The following SLC9B1 variants were observed in gnomAD, a reference collection of about 807,000 sequenced individuals.
SLC9B1 encodes solute carrier family 9 member B1, also known as sodium/hydrogen exchanger 9B1.
SLC9B1 carries 32 observed loss-of-function variants against 51.7 expected under a neutral mutation model. The observed-to-expected ratio is 0.62, with a 90% CI of 0.47 to 0.83. SLC9B1 has a LOEUF of 0.83. SLC9B1 is among the 40% of genes least tolerant of loss of function. The pLI is 0.00. For missense variants in SLC9B1, 406 were observed against 613.2 expected, an observed-to-expected ratio of 0.66 and a Z score of 3.57; for synonymous variants, 145 against 212.7, an observed-to-expected ratio of 0.68 and a Z score of 2.77.
At chr4:102,978,257 C>T (rs938939126) in intron 3 of SLC9B1, among the ~76,000 whole-genome samples, 6 of 152,006 alleles carry the variant, frequency 3.9e-5, no homozygotes, top group Non-Finnish European at 7.4e-5. Flanking sequence ...TGAATAGCGC[C>T]GCAATAAACA....
At chr4:102,975,244 A>T (rs1196273739) in intron 3 of SLC9B1, among the ~76,000 whole-genome samples, 1 of 152,108 alleles carries the variant, frequency 6.6e-6, no homozygotes, top group Non-Finnish European at 1.5e-5. Context: ...CTTGGCTTCA[A>T]ATGATTCTTC....
chr4:102,921,760 C>T lies in SLC9B1; in HGVS notation c.830-10223G>A, dbSNP rs189796459. 1.9e-3 allele frequency among the ~76,000 whole-genome samples: 294 copies of T among 152,238 alleles called. 1 individual carries two copies. Among genetic ancestry groups the T allele is most frequent in the Non-Finnish European group, 2.4e-3 (165 of 68,010 alleles). On this transcript the variant is annotated intron_variant, in intron 7 of 11. Coordinates refer to ENST00000296422, the MANE Select transcript of SLC9B1 (RefSeq NM_139173.4). ...AGCAAAAAATAGCAGGGGTTGCAAT[C>T]CTAGTCTCTGATAAAACAGACTTTA... is the stretch of plus-strand genomic sequence containing the variant.
intron 3 of SLC9B1, among the ~76,000 whole-genome samples, chr4:102,960,893 C>G (rs1051794464): frequency 6.6e-6 from 1 of 151,822 alleles, no homozygotes; most frequent in African/African-American, 2.4e-5. Context: ...GCACCATACC[C>G]GGCTAATTTG....
intron 3 of SLC9B1, among the ~76,000 whole-genome samples, chr4:102,979,327 T>A (rs1490215021): frequency 6.6e-6 from 1 of 152,212 alleles, no homozygotes; most frequent in African/African-American, 2.4e-5. Context: ...TTCCTCTGTC[T>A]GTTTTGCATT....
At chr4:102,996,796 T>G (rs1740246849) in intron 1 of SLC9B1, among the ~76,000 whole-genome samples, 1 of 152,098 alleles carries the variant, frequency 6.6e-6, no homozygotes, top group South Asian at 2.1e-4. Flanking sequence ...TGCTTGTATT[T>G]TTTTTTCTGA....
At position 102,885,412 on chromosome 4, in the gene SLC9B1, G is replaced by A. The variant is rs750923436; in HGVS notation, c.1333-84C>T. The stretch of plus-strand genomic sequence containing the variant: ...GTCTTACTAAAGCAGCTTATTGTAG[G>A]TGTTGGCGTTCTAAAACGGTAAGAT... On this transcript the variant is annotated intron_variant, in intron 11 of 11. Coordinates refer to the SLC9B1 transcript ENST00000394789. 1.5e-5 allele frequency: 24 copies of A among 1,613,972 alleles called. No homozygotes were observed. In the South Asian group the frequency reaches 2.2e-4, roughly 15 times the overall value.
intron 7 of SLC9B1, among the ~76,000 whole-genome samples, chr4:102,915,559 T>A (rs1322408877): frequency 6.6e-6 from 1 of 152,094 alleles, no homozygotes; most frequent in Admixed American, 6.6e-5. Flanking sequence ...CACACTCAGA[T>A]AATATTTTTA....
At chr4:102,985,169 G>C (rs969277879) in intron 3 of SLC9B1, among the ~76,000 whole-genome samples, 5 of 152,086 alleles carry the variant, frequency 3.3e-5, no homozygotes, top group Non-Finnish European at 7.4e-5. Context: ...TGTTAGAATG[G>C]AATATCATTC....
At chr4:103,019,472 A>G in intron 1 of SLC9B1, 127 bp downstream of exon 1, 1 of 562,834 alleles carries the variant, frequency 1.8e-6, no homozygotes, top group Non-Finnish European at 2.3e-6. Context: ...AGAAGAGCCC[A>G]AGAATCCCAT....
At chr4:102,921,290 A>G (rs1328948129) in intron 7 of SLC9B1, among the ~76,000 whole-genome samples, 1 of 152,210 alleles carries the variant, frequency 6.6e-6, no homozygotes, top group Non-Finnish European at 1.5e-5. Flanking sequence ...TTCAACTCAG[A>G]ATTTCATATC....
intron 1 of SLC9B1, among the ~76,000 whole-genome samples, chr4:103,010,844 G>C (rs939290327): frequency 6.6e-6 from 1 of 152,154 alleles, no homozygotes; most frequent in African/African-American, 2.4e-5. Context: ...TGTTGCATTG[G>C]GGATTAAGTT....
intron 7 of SLC9B1, among the ~76,000 whole-genome samples, chr4:102,928,683 A>G (rs1199338079): frequency 2.0e-5 from 3 of 152,146 alleles, no homozygotes; most frequent in Non-Finnish European, 2.9e-5. Context: ...GGAGTTTATT[A>G]AGGAGAATTG....
At chr4:102,921,262 C>T (rs561689744) in intron 7 of SLC9B1, among the ~76,000 whole-genome samples, 1 of 152,258 alleles carries the variant, frequency 6.6e-6, no homozygotes, top group East Asian at 1.9e-4. Context: ...ATATTCAACA[C>T]TCTTAAAGAA....
At chr4:103,017,837 T>C (rs1266538694) in intron 1 of SLC9B1, among the ~76,000 whole-genome samples, 2 of 152,240 alleles carry the variant, frequency 1.3e-5, no homozygotes, top group African/African-American at 4.8e-5. Flanking sequence ...TACCATTGTA[T>C]TCACAATGCC....
chr4:102,962,691 C>T (rs992015011), intron 3 of SLC9B1: 104 of 469,960 alleles, frequency 2.2e-4, no homozygotes, highest in Non-Finnish European at 3.8e-4. Flanking sequence ...GTGTATTTCA[C>T]TCAACAGCTG....
At chr4:102,906,456 T>C (rs1735060177) in intron 10 of SLC9B1, 80 bp downstream of exon 10, 3 of 748,778 alleles carry the variant, frequency 4.0e-6, no homozygotes, top group Non-Finnish European at 6.3e-6. Flanking sequence ...CAAAGATATA[T>C]TGTAAATAAA....
At chr4:102,909,560 G>A (rs1482564441) in intron 9 of SLC9B1, among the ~76,000 whole-genome samples, 1 of 152,156 alleles carries the variant, frequency 6.6e-6, no homozygotes, top group Non-Finnish European at 1.5e-5. Context: ...CCAAGATTAT[G>A]CTACTGCACT....
intron 1 of SLC9B1, among the ~76,000 whole-genome samples, chr4:103,018,061 T>C (rs1324605835): frequency 6.6e-6 from 1 of 152,212 alleles, no homozygotes; most frequent in East Asian, 1.9e-4. Context: ...ATTGAACATA[T>C]ATTACACTAT....
chr4:103,009,844 G>A (rs1220688617), intron 1 of SLC9B1, among the ~76,000 whole-genome samples: 1 of 152,048 alleles, frequency 6.6e-6, no homozygotes, highest in Non-Finnish European at 1.5e-5. Context: ...ACATCTTTCT[G>A]AACAAATGAA....
Sources: allele counts gnomAD v4.1 joint callset (sites outside exome capture counted in the v4.1 genomes callset), GRCh38; gene constraint gnomAD v4.1.1; transcripts MANE v1.5; gene names NCBI Gene and HGNC (gene_info 2026-07-23, HGNC 2026-07-21).